KIF13B: variants seen among roughly 807,000 people sequenced by gnomAD.
The protein encoded by KIF13B is kinesin-like protein KIF13B.
In KIF13B, 127 loss-of-function variants were observed where a neutral mutation model predicts 222.0. That is an observed-to-expected ratio of 0.57 (90% CI 0.50 to 0.66). The LOEUF is 0.66. Among genes scored for constraint, KIF13B ranks in the 30% least tolerant of loss-of-function variants. The pLI is 0.00. For missense variants in KIF13B, 2,173 were observed against 2,379.0 expected, an observed-to-expected ratio of 0.91 and a Z score of 1.80; for synonymous variants, 976 against 919.0, an observed-to-expected ratio of 1.06 and a Z score of -1.12.
chr8:29,251,825 C>T (rs1339059892), intron 1 of KIF13B, among the ~76,000 whole-genome samples: 1 of 152,024 alleles, frequency 6.6e-6, no homozygotes, highest in Non-Finnish European at 1.5e-5. Context: ...AACACATGGA[C>T]AACAGTTTAT....
At chr8:29,259,744 C>T (rs900205063) in intron 1 of KIF13B, among the ~76,000 whole-genome samples, 31 of 152,252 alleles carry the variant, frequency 2.0e-4, no homozygotes, top group African/African-American at 6.7e-4. Context: ...GTGTTCTGTG[C>T]GGCACATGGA....
chr8:29,092,699 G>A (rs762723298), intron 37 of KIF13B, 46 bp downstream of exon 37: 39 of 1,567,916 alleles, frequency 2.5e-5, no homozygotes, highest in Non-Finnish European at 3.1e-5. Flanking sequence ...ACAGAGCACC[G>A]CTTTATTAGA....
chr8:29,243,670 A>G (rs1238871399), intron 2 of KIF13B, among the ~76,000 whole-genome samples: 1 of 152,058 alleles, frequency 6.6e-6, no homozygotes, highest in Non-Finnish European at 1.5e-5. Flanking sequence ...AAAAAAAAGA[A>G]AGAAAAGAAA....
chr8:29,223,172 A>AC (rs928173896), intron 2 of KIF13B, among the ~76,000 whole-genome samples: 12 of 149,728 alleles, frequency 8.0e-5, no homozygotes, highest in African/African-American at 1.5e-4. Context: ...TACAAAAAAA[A>AC]AAAAAACAAA....
At chr8:29,209,777 T>A (rs1438342999) in intron 2 of KIF13B, among the ~76,000 whole-genome samples, 1 of 151,352 alleles carries the variant, frequency 6.6e-6, no homozygotes, top group Non-Finnish European at 1.5e-5. Context: ...ATTGGCTGAA[T>A]GTGGCGGCTC....
chr8:29,210,397 G>A lies in KIF13B; in HGVS notation c.150-14198C>T, dbSNP rs375235511. On this transcript the variant is annotated intron_variant, in intron 2 of 39. Coordinates refer to ENST00000524189, the MANE Select transcript of KIF13B (RefSeq NM_015254.4). ...TGAAGATGGAAGAACTGATTGTCCA[G>A]GCACACCAGCAGAAATGTGTTCAGA... is the stretch of plus-strand genomic sequence containing the variant. Among the ~76,000 whole-genome samples the A allele has an allele frequency of 1.8e-4, 28 of 152,286 alleles. No homozygotes were observed. The East Asian group carries it at 3.7e-3, about 20-fold the overall frequency.
intron 2 of KIF13B, among the ~76,000 whole-genome samples, chr8:29,221,006 G>A (rs1814718420): frequency 6.6e-6 from 1 of 151,782 alleles, no homozygotes; most frequent in South Asian, 2.1e-4. Context: ...ACTGGGTGCG[G>A]TGGCATGCAC....
Position 29,167,425 on chromosome 8 carries a change from C to A in KIF13B, c.1106G>T (p.Arg369Leu). The change falls in exon 11 of 40, where the codon CGG becomes CTG. Residue 369 changes from arginine (R) to leucine (L), a missense_variant. Around this residue, in one of 2 missense-constraint regions of KIF13B, gnomAD observed 1,480 missense variants for 1,722.8 expected, o/e 0.86. Transcript: ENST00000524189. ...VNEDPNARII[R>L]DLREEVEKLR... ...TTTCTCAACTTCTTCCCGGAGATCC[C>A]GGATAATTCGGGCATTAGGGTCCTC... The A allele has an allele frequency of 6.2e-7, 1 of 1,613,732 alleles. No homozygotes were observed.
intron 22 of KIF13B, among the ~76,000 whole-genome samples, chr8:29,133,689 C>T (rs1016148797): frequency 2.0e-5 from 3 of 152,270 alleles, no homozygotes; most frequent in Non-Finnish European, 2.9e-5. Flanking sequence ...ACAGAGCATT[C>T]GGTGCTCAAT....
intron 2 of KIF13B, chr8:29,218,810 C>T (rs528055346): frequency 2.0e-5 from 3 of 152,268 alleles, no homozygotes; most frequent in Non-Finnish European, 4.4e-5. Flanking sequence ...TATGAGCCAT[C>T]ACAGTGCCCT....
intron 2 of KIF13B, among the ~76,000 whole-genome samples, chr8:29,241,696 GC>G (rs1815785541): frequency 7.9e-6 from 1 of 127,048 alleles, no homozygotes; most frequent in Admixed American, 8.7e-5. Context: ...CGCACCCGCA[GC>G]AAGGGAGGGA....
intron 37 of KIF13B, among the ~76,000 whole-genome samples, chr8:29,082,716 C>A (rs1037957208): frequency 1.3e-5 from 2 of 152,158 alleles, no homozygotes; most frequent in African/African-American, 4.8e-5. Flanking sequence ...GAAAATTCTA[C>A]ACATATATTT....
At chr8:29,136,805 T>G (rs556135794) in intron 21 of KIF13B, among the ~76,000 whole-genome samples, 48 of 145,314 alleles carry the variant, frequency 3.3e-4, no homozygotes, top group Middle Eastern at 3.4e-3. Flanking sequence ...GTTTTTTTTT[T>G]TTTTTTTTTT....
intron 15 of KIF13B, among the ~76,000 whole-genome samples, chr8:29,149,912 C>T (rs967919843): frequency 2.0e-5 from 3 of 152,054 alleles, no homozygotes; most frequent in African/African-American, 7.2e-5. Flanking sequence ...CCTAAAAGAA[C>T]CTTATTTTAT....
intron 8 of KIF13B, among the ~76,000 whole-genome samples, chr8:29,178,097 G>T (rs1812557427): frequency 6.6e-6 from 1 of 152,280 alleles, no homozygotes; most frequent in Admixed American, 6.5e-5. Context: ...CAGGATGAAA[G>T]CTAATTATCT....
chr8:29,144,037 A>C (rs13260487), intron 18 of KIF13B, among the ~76,000 whole-genome samples: 64,637 of 144,306 alleles, frequency 0.45, 15,608 homozygotes, highest in Non-Finnish European at 0.57. Flanking sequence ...CCACAAAGTT[A>C]AAAAAAAAAA....
intron 3 of KIF13B, among the ~76,000 whole-genome samples, chr8:29,192,212 A>G (rs894714459): frequency 6.6e-6 from 1 of 152,072 alleles, no homozygotes; most frequent in African/African-American, 2.4e-5. Flanking sequence ...GTAAGCTTTC[A>G]CTCACAGAGA....
chr8:29,186,362 T>C lies in KIF13B; in HGVS notation c.427A>G (p.Ser143Gly). The change falls in exon 6 of 40, where the codon AGT (serine) becomes GGT (glycine). Residue 143 changes from serine to glycine, a missense_variant. Transcript: ENST00000524189. ...RTQKEENEEQ[S>G]FKVEVSYMEI... Reference sequence around the variant, plus strand: ...ATGTAGGACACTTCTACTTTAAAACTCTGTTCTTCATTTTCCTCTTTCTGA... The same window carrying C: ...ATGTAGGACACTTCTACTTTAAAACCCTGTTCTTCATTTTCCTCTTTCTGA... The C allele has an allele frequency of 1.2e-6, 2 of 1,613,834 alleles. No homozygotes were observed. Among genetic ancestry groups the C allele is most frequent in the Non-Finnish European group, 1.7e-6 (2 of 1,179,726 alleles).
At chr8:29,234,304 GT>G (rs1258906125) in intron 2 of KIF13B, among the ~76,000 whole-genome samples, 3 of 150,206 alleles carry the variant, frequency 2.0e-5, no homozygotes, top group Non-Finnish European at 2.9e-5. Context: ...GCAAAATGTG[GT>G]TTATCCATAC....
Sources: allele counts gnomAD v4.1 joint callset (sites outside exome capture counted in the v4.1 genomes callset), GRCh38; gene constraint gnomAD v4.1.1; regional missense constraint gnomAD v4.1.1; transcripts MANE v1.5; gene names NCBI Gene and HGNC (gene_info 2026-07-23, HGNC 2026-07-21).